The following GDPD4 variants were observed in gnomAD, a reference collection of about 807,000 sequenced individuals.
The protein encoded by GDPD4 is glycerophosphodiester phosphodiesterase domain containing 4.
A neutral mutation model predicts 67.8 loss-of-function variants in GDPD4; 60 were observed. The ratio of observed to expected loss-of-function variants is 0.88; its 90% CI spans 0.72 to 1.10. The LOEUF (loss-of-function observed/expected upper bound fraction) is 1.10, where lower values mean the gene tolerates loss of function less well. Among genes scored for constraint, GDPD4 ranks in the 50% least tolerant of loss-of-function variants. The probability of loss-of-function intolerance (pLI) is 0.00; values close to 1 mark genes in which losing one functional copy is unlikely to be tolerated. For missense variants in GDPD4, 623 were observed against 613.9 expected, an observed-to-expected ratio of 1.01 and a Z score of -0.16; for synonymous variants, 212 against 210.9, an observed-to-expected ratio of 1.00 and a Z score of -0.04.
At chr11:77,225,451 ACT>A (rs1283219994) in intron 16 of GDPD4, among the ~76,000 whole-genome samples, 2 of 152,202 alleles carry the variant, frequency 1.3e-5, no homozygotes, top group Non-Finnish European at 2.9e-5. Flanking sequence ...TGAAAATTAT[ACT>A]CTGACAGATC....
rs1958407321 is a variant in GDPD4 at position 77,229,241 on chromosome 11, CAT to C, written c.1390-11_1390-10del. 3 of 1,549,834 alleles carry C rather than the reference CAT, an allele frequency of 1.9e-6. No individual in the cohort carries two copies. The highest frequency in any genetic ancestry group is 1.8e-5 in the Admixed American group (1 of 57,126). On this transcript the variant is annotated splice_polypyrimidine_tract_variant and intron_variant, in intron 14 of 16. Coordinates refer to ENST00000315938, the MANE Select transcript of GDPD4 (RefSeq NM_182833.3). ...ACATAGAACTTTGGTGTCTGAAAAACATAAACCACAGTGAAAGAACTTTACAG... is the reference window on the plus strand; with the variant it reads ...ACATAGAACTTTGGTGTCTGAAAAACAAACCACAGTGAAAGAACTTTACAG...
At chr11:77,217,337 ATTCCTCAAATGTCAC>A (rs754783998) in intron 16 of GDPD4, 23 bp from the exon 17 acceptor site, 1 of 1,578,616 alleles carries the variant, frequency 6.3e-7, no homozygotes, top group East Asian at 2.2e-5. Flanking sequence ...AAAGACACAG[ATTCCTCAAATGTCAC>A]TTCTCCACTC....
chr11:77,259,704 G>A (rs928150078), intron 10 of GDPD4, among the ~76,000 whole-genome samples: 1 of 152,124 alleles, frequency 6.6e-6, no homozygotes, highest in East Asian at 1.9e-4. Flanking sequence ...AGAGATTAGA[G>A]TAAGGGGGGA....
chr11:77,276,478 A>G (rs1368722623), intron 4 of GDPD4, among the ~76,000 whole-genome samples: 2 of 152,184 alleles, frequency 1.3e-5, no homozygotes, highest in Non-Finnish European at 2.9e-5. Context: ...CTCAGGAAGA[A>G]TTCTGTGTTA....
intron 10 of GDPD4, among the ~76,000 whole-genome samples, chr11:77,267,204 T>C (rs1414979167): frequency 1.3e-5 from 2 of 152,242 alleles, no homozygotes; most frequent in African/African-American, 4.8e-5. Flanking sequence ...CTGTACAGGC[T>C]TGCAGCCGAA....
chr11:77,280,057 T>C (rs894956535), intron 3 of GDPD4, among the ~76,000 whole-genome samples: 2 of 152,132 alleles, frequency 1.3e-5, no homozygotes, highest in Non-Finnish European at 2.9e-5. Flanking sequence ...GTAAGAATTA[T>C]AAAGGAAATT....
chr11:77,231,645 C>T (rs2135829412), intron 14 of GDPD4, among the ~76,000 whole-genome samples: 1 of 152,254 alleles, frequency 6.6e-6, no homozygotes, highest in East Asian at 1.9e-4. Context: ...AAAACGCATT[C>T]AGAAATAGCA....
chr11:77,242,794 T>C (rs1449212964), intron 13 of GDPD4, among the ~76,000 whole-genome samples: 1 of 151,972 alleles, frequency 6.6e-6, no homozygotes, highest in Non-Finnish European at 1.5e-5. Flanking sequence ...TATATAATTT[T>C]CCAACGCTAA....
At position 77,279,540 on chromosome 11, in the gene GDPD4, T is replaced by TTTTTTTTTTTTTTTTTGA; in HGVS notation, c.54-142_54-141insTCAAAAAAAAAAAAAAAA. The TTTTTTTTTTTTTTTTTGA allele has an allele frequency of 7.7e-6, 4 of 520,144 alleles. 1 individual carries two copies. Among genetic ancestry groups the TTTTTTTTTTTTTTTTTGA allele is most frequent in the Non-Finnish European group, 3.6e-6 (1 of 279,970 alleles). 32.2% of individuals were successfully genotyped at this position (520,144 alleles called of 1,614,324 possible). On this transcript the variant is annotated intron_variant, in intron 3 of 16. Transcript: ENST00000315938. ...GAAGCAGTGTGTGAACAGCAGCTTTTGCGGATAATTATATGAGGAGTTTTA... is the reference window on the plus strand; with the variant it reads ...GAAGCAGTGTGTGAACAGCAGCTTTTTTTTTTTTTTTTTTTTGAGCGGATAATTATATGAGGAGTTTTA...
chr11:77,247,645 G>A (rs1958805426), intron 11 of GDPD4, among the ~76,000 whole-genome samples: 1 of 152,144 alleles, frequency 6.6e-6, no homozygotes, highest in Admixed American at 6.5e-5. Context: ...TGAAACATCT[G>A]GTTCCTCAAA....
At chr11:77,291,486 A>G (rs992574027) in intron 1 of GDPD4, among the ~76,000 whole-genome samples, 1 of 152,110 alleles carries the variant, frequency 6.6e-6, no homozygotes, top group Non-Finnish European at 1.5e-5. Context: ...GTAACAATAT[A>G]CTCTGTATTT....
intron 16 of GDPD4, among the ~76,000 whole-genome samples, chr11:77,225,405 T>C (rs1219781616): frequency 1.3e-5 from 2 of 152,046 alleles, no homozygotes; most frequent in Non-Finnish European, 2.9e-5. Context: ...AGAAAAATAT[T>C]TGAAGAAATA....
Position 77,217,244 on chromosome 11 carries a change from G to C in GDPD4, c.*33C>G. 6.5e-7 allele frequency: 1 copy of C among 1,542,376 alleles called. No homozygotes were observed. Among genetic ancestry groups the C allele is most frequent in the Non-Finnish European group, 9.0e-7 (1 of 1,114,698 alleles). On this transcript the variant is annotated 3_prime_UTR_variant, in exon 17 of 17. Transcript: ENST00000315938. ...CCAAGGACCTTCCACAACTCGGACA[G>C]GAGGTTTCATGGCTATGTGCAAATC...
chr11:77,277,391 C>CTTTTTTCTTTTTTTTTTTT (rs1959523182), intron 4 of GDPD4, among the ~76,000 whole-genome samples: 1 of 58,328 alleles, frequency 1.7e-5, no homozygotes, highest in Non-Finnish European at 3.1e-5. Flanking sequence ...GCCATGTTTC[C>CTTTTTTCTTTTTTTTTTTT]TTTTTTTTTT....
At chr11:77,228,617 G>T (rs1034962195) in intron 15 of GDPD4, among the ~76,000 whole-genome samples, 1 of 151,782 alleles carries the variant, frequency 6.6e-6, no homozygotes, top group African/African-American at 2.4e-5. Context: ...GGTGGAGGCT[G>T]CAGTGAGCCG....
At chr11:77,250,932 G>A (rs1488792239) in intron 11 of GDPD4, among the ~76,000 whole-genome samples, 1 of 151,994 alleles carries the variant, frequency 6.6e-6, no homozygotes, top group Non-Finnish European at 1.5e-5. Flanking sequence ...CTATGGTTTT[G>A]GAACTAAACT....
intron 11 of GDPD4, among the ~76,000 whole-genome samples, chr11:77,252,646 T>C (rs1397949505): frequency 6.6e-6 from 1 of 152,182 alleles, no homozygotes; most frequent in African/African-American, 2.4e-5. Flanking sequence ...TCTTCTAAAC[T>C]TTCTAGAGTG....
intron 1 of GDPD4, among the ~76,000 whole-genome samples, chr11:77,295,748 T>C (rs1937933355): frequency 1.3e-5 from 2 of 152,268 alleles, no homozygotes; most frequent in African/African-American, 2.4e-5. Flanking sequence ...TGATCCATAA[T>C]AGAAAAAACA....
intron 3 of GDPD4, among the ~76,000 whole-genome samples, chr11:77,283,301 T>A (rs1374612870): frequency 6.6e-6 from 1 of 152,224 alleles, no homozygotes; most frequent in East Asian, 1.9e-4. Flanking sequence ...TGAGGCACTG[T>A]CTAATGAAAG....
Sources: allele counts gnomAD v4.1 joint callset (sites outside exome capture counted in the v4.1 genomes callset), GRCh38; gene constraint gnomAD v4.1.1; transcripts MANE v1.5; gene names NCBI Gene and HGNC (gene_info 2026-07-23, HGNC 2026-07-21).